TAF1B: variants seen among roughly 807,000 people sequenced by gnomAD.
TAF1B encodes TATA-box binding protein associated factor, RNA polymerase I subunit B, also known as TATA box-binding protein-associated factor RNA polymerase I subunit B.
Under a neutral mutation model 83.9 loss-of-function variants are expected in TAF1B, and 61 were observed. That is an observed-to-expected ratio of 0.73 (90% confidence interval 0.59 to 0.90). The LOEUF is 0.90. Ranked by LOEUF, TAF1B falls within the 40% of genes least tolerant of loss-of-function variation. TAF1B has a pLI of 0.00. For synonymous variants in TAF1B, 221 were observed against 224.6 expected (o/e 0.98, Z 0.14); for missense variants, 625 against 677.0 (o/e 0.92, Z 0.85).
intron 5 of TAF1B, among the ~76,000 whole-genome samples, chr2:9,857,903 T>C (rs962512068): frequency 4.6e-5 from 7 of 152,140 alleles, no homozygotes; most frequent in African/African-American, 1.7e-4. Context: ...GGGATTACAA[T>C]TCGAGATGAG....
In TAF1B at chr2:9,926,592, A is replaced by C. The variant is rs192523556; in HGVS notation, c.1565+6772A>C. The stretch of plus-strand genomic sequence containing the variant: ...GGTGGCTCATGCCTGTAATCTCAAC[A>C]CTTTGGGAGGCTGAGGTGGGTGGAT... On this transcript the variant is annotated intron_variant, in intron 14 of 14. Coordinates refer to ENST00000263663, the MANE Select transcript of TAF1B (RefSeq NM_005680.3). Among the ~76,000 whole-genome samples the C allele has an allele frequency of 6.5e-3, 995 of 152,172 alleles. 12 individuals are homozygous for C. The highest frequency in any genetic ancestry group is 0.023 in the African/African-American group (957 of 41,504).
rs1187321800 is a variant in TAF1B, at chr2:9,882,707, T to G, written c.709T>G (p.Phe237Val). The G allele has an allele frequency of 1.3e-6, 2 of 1,599,416 alleles. No homozygotes were observed. The highest frequency in any genetic ancestry group is 1.3e-5 in the African/African-American group (1 of 74,270). Residue 237 changes from phenylalanine to valine, a missense_variant and splice_region_variant, in exon 8 of 15, where the codon TTT (phenylalanine) becomes GTT (valine). Coordinates refer to ENST00000263663, the MANE Select transcript of TAF1B (RefSeq NM_005680.3). ...EAITLSDLLRFVEEDHIPYIN... is the reference protein window; with the variant it reads ...EAITLSDLLRVVEEDHIPYIN... ...ACCTTTTTCTTTTTAAAAATACAGG[T>G]TTGTTGAAGAGGACCATATTCCTTA...
At chr2:9,853,561 A>T (rs1391844569) in intron 4 of TAF1B, among the ~76,000 whole-genome samples, 2 of 151,570 alleles carry the variant, frequency 1.3e-5, no homozygotes, top group African/African-American at 4.9e-5. Context: ...CCAACCTCCT[A>T]GACTCGAGTA....
chr2:9,919,338 T>A (rs1195579898), intron 13 of TAF1B, among the ~76,000 whole-genome samples: 1 of 152,256 alleles, frequency 6.6e-6, no homozygotes, highest in Non-Finnish European at 1.5e-5. Context: ...TGCCAAAATC[T>A]AAAATCCTAA....
At chr2:9,886,398 G>C (rs1486689332) in intron 8 of TAF1B, among the ~76,000 whole-genome samples, 1 of 152,190 alleles carries the variant, frequency 6.6e-6, no homozygotes, top group African/African-American at 2.4e-5. Flanking sequence ...TATGGGAAAG[G>C]ATAATGTATC....
intron 5 of TAF1B, among the ~76,000 whole-genome samples, chr2:9,866,474 T>C (rs1663979643): frequency 6.6e-6 from 1 of 152,024 alleles, no homozygotes; most frequent in Admixed American, 6.6e-5. Context: ...AGGAACACTT[T>C]TACACTGTTG....
rs192350378 is a variant in TAF1B at position 9,882,027 on chromosome 2, C to A, written c.708-679C>A. 1.3e-3 allele frequency among the ~76,000 whole-genome samples: 197 copies of A among 151,724 alleles called. 2 individuals are homozygous for A. Among genetic ancestry groups the A allele is most frequent in the African/African-American group, 4.4e-3 (184 of 41,374 alleles). On this transcript the variant is annotated intron_variant, in intron 7 of 14. Transcript: ENST00000263663. ...GATTTATGAGTAGGAGCCTATCATG[C>A]GAGGGGAGCTAGGGATACAGGGAAT...
chr2:9,863,513 C>T (rs928888553), intron 5 of TAF1B, among the ~76,000 whole-genome samples: 1 of 152,124 alleles, frequency 6.6e-6, no homozygotes, highest in African/African-American at 2.4e-5. Flanking sequence ...CTTTAACACC[C>T]CACTGTCAAC....
At chr2:9,898,540 A>G (rs1558256471) in intron 8 of TAF1B, among the ~76,000 whole-genome samples, 1 of 152,164 alleles carries the variant, frequency 6.6e-6, no homozygotes, top group South Asian at 2.1e-4. Flanking sequence ...CTATTGAGAA[A>G]CTGGTCTGTG....
At chr2:9,903,759 G>A (rs1476163718) in intron 8 of TAF1B, among the ~76,000 whole-genome samples, 3 of 152,180 alleles carry the variant, frequency 2.0e-5, no homozygotes, top group Non-Finnish European at 4.4e-5. Flanking sequence ...TGAGAGGGAG[G>A]TTGTGTATCA....
At chr2:9,909,577 C>A (rs966822730) in intron 9 of TAF1B, among the ~76,000 whole-genome samples, 1 of 152,192 alleles carries the variant, frequency 6.6e-6, no homozygotes, top group Admixed American at 6.5e-5. Flanking sequence ...TTCATGAGAG[C>A]AGGGGAATAC....
intron 7 of TAF1B, among the ~76,000 whole-genome samples, chr2:9,881,850 G>C (rs1267228542): frequency 6.6e-6 from 1 of 152,170 alleles, no homozygotes; most frequent in Non-Finnish European, 1.5e-5. Flanking sequence ...GGGGTGGAGT[G>C]GTGAGCAAAC....
At chr2:9,917,137 C>T (rs908408309) in intron 12 of TAF1B, among the ~76,000 whole-genome samples, 34 of 152,234 alleles carry the variant, frequency 2.2e-4, no homozygotes, top group African/African-American at 7.0e-4. Context: ...TGAGCCACTG[C>T]GCCCGACTCC....
Position 9,851,529 on chromosome 2 carries a change from T to A in TAF1B, c.206-12T>A. 2 of 1,588,470 alleles carry A rather than the reference T, an allele frequency of 1.3e-6. No homozygotes were observed. The highest frequency in any genetic ancestry group is 1.7e-6 in the Non-Finnish European group (2 of 1,168,310). On this transcript the variant is annotated splice_polypyrimidine_tract_variant and intron_variant, in intron 3 of 14. Transcript: ENST00000263663. ...GGAATGTATATGCTAAAACATGCTATTTGTCATTTAGAAAAAGGCTGGGAT... is the reference window on the plus strand; with the variant it reads ...GGAATGTATATGCTAAAACATGCTAATTGTCATTTAGAAAAAGGCTGGGAT...
chr2:9,907,998 G>T (rs1488012402), intron 9 of TAF1B, among the ~76,000 whole-genome samples: 2 of 139,578 alleles, frequency 1.4e-5, no homozygotes, highest in African/African-American at 2.7e-5. Flanking sequence ...TGTACTTTTG[G>T]CATAAGCGGA....
chr2:9,886,133 G>T (rs755198588), intron 8 of TAF1B, among the ~76,000 whole-genome samples: 10 of 151,950 alleles, frequency 6.6e-5, no homozygotes, highest in Non-Finnish European at 1.0e-4. Flanking sequence ...TATTCAAATG[G>T]CAATAGGCTC....
chr2:9,872,212 G>C (rs1171627654), intron 6 of TAF1B, among the ~76,000 whole-genome samples: 1 of 152,096 alleles, frequency 6.6e-6, no homozygotes, highest in African/African-American at 2.4e-5. Flanking sequence ...TGTAGTCCCA[G>C]CTACTCAGGA....
intron 9 of TAF1B, among the ~76,000 whole-genome samples, chr2:9,907,802 C>T (rs1369595224): frequency 2.6e-5 from 4 of 152,080 alleles, no homozygotes; most frequent in African/African-American, 9.7e-5. Context: ...AAGCAGGCTT[C>T]CCCTTGACAG....
At position 9,875,023 on chromosome 2, in the gene TAF1B, A is replaced by G. The variant is rs184435075; in HGVS notation, c.554-842A>G. Among the ~76,000 whole-genome samples the G allele has an allele frequency of 2.0e-5, 3 of 151,644 alleles. No homozygotes were observed. The East Asian group carries it at 5.8e-4, about 29-fold the overall frequency. ...CTGTTACCCAGGTTGGATGGAGTGC[A>G]ATGGCACGATCTCGGCTCACTGCAA... On this transcript the variant is annotated intron_variant, in intron 6 of 14. Coordinates refer to ENST00000263663, the MANE Select transcript of TAF1B (RefSeq NM_005680.3).
Sources: gnomAD v4.1 joint callset for allele counts (sites outside exome capture counted in the v4.1 genomes callset) on GRCh38, gnomAD v4.1.1 for gene constraint, MANE v1.5 for transcripts, NCBI Gene and HGNC (gene_info 2026-07-23, HGNC 2026-07-21) for gene names.